The following NRXN1 variants were observed in gnomAD, a reference collection of about 807,000 sequenced individuals.
The protein encoded by NRXN1 is neurexin-1.
In NRXN1, 39 loss-of-function variants were observed where a neutral mutation model predicts 150.9. The ratio of observed to expected loss-of-function variants is 0.26; its 90% confidence interval spans 0.20 to 0.34. The LOEUF (loss-of-function observed/expected upper bound fraction) is 0.34, where lower values mean the gene tolerates loss of function less well. Among genes scored for constraint, NRXN1 ranks in the 10% least tolerant of loss-of-function variants. The pLI, the probability that NRXN1 is intolerant of heterozygous loss-of-function variation, is 1.00. For missense variants in NRXN1, 1,815 were observed against 1,949.9 expected (o/e 0.93, Z 1.30); for synonymous variants, 924 against 757.0 (o/e 1.22, Z -3.62).
intron 5 of NRXN1, among the ~76,000 whole-genome samples, chr2:50,775,809 C>G (rs957735417): frequency 6.6e-6 from 1 of 152,044 alleles, no homozygotes; most frequent in Non-Finnish European, 1.5e-5. Context: ...CTCTTATAAT[C>G]TCTTGTTTAA....
At chr2:50,101,041 A>G (rs1372514320) in intron 18 of NRXN1, among the ~76,000 whole-genome samples, 1 of 152,104 alleles carries the variant, frequency 6.6e-6, no homozygotes, top group Non-Finnish European at 1.5e-5. Flanking sequence ...CACTGAATTA[A>G]GTTAAGCCTT....
intron 17 of NRXN1, among the ~76,000 whole-genome samples, chr2:50,315,534 T>A (rs552022096): frequency 1.8e-4 from 28 of 152,230 alleles, no homozygotes; most frequent in African/African-American, 6.5e-4. Context: ...CATTGCTGGT[T>A]AACAGAAGGC....
At chr2:50,940,071 C>T (rs1449043120) in intron 2 of NRXN1, among the ~76,000 whole-genome samples, 2 of 152,048 alleles carry the variant, frequency 1.3e-5, no homozygotes, top group Non-Finnish European at 2.9e-5. Flanking sequence ...GAATTATTTC[C>T]TATTTATTAT....
chr2:50,050,605 G>A (rs1169123977), intron 21 of NRXN1, among the ~76,000 whole-genome samples: 1 of 151,954 alleles, frequency 6.6e-6, no homozygotes, highest in African/African-American at 2.4e-5. Context: ...CATCCAACCT[G>A]TAAAAATAGG....
intron 18 of NRXN1, among the ~76,000 whole-genome samples, chr2:50,109,064 G>C (rs1184279999): frequency 6.6e-6 from 1 of 152,108 alleles, no homozygotes; most frequent in Non-Finnish European, 1.5e-5. Flanking sequence ...ATTAAAATGT[G>C]AGTTTAATGA....
chr2:50,884,795 G>A (rs185182369), intron 5 of NRXN1, among the ~76,000 whole-genome samples: 4 of 151,206 alleles, frequency 2.6e-5, no homozygotes, highest in African/African-American at 9.7e-5. Context: ...GTTTAATGGA[G>A]TTTACCAGCT....
At chr2:50,798,232 C>T (rs546946718) in intron 5 of NRXN1, among the ~76,000 whole-genome samples, 16 of 152,074 alleles carry the variant, frequency 1.1e-4, no homozygotes, top group South Asian at 6.2e-4. Flanking sequence ...GTTATGATCT[C>T]GAAAATGCAG....
intron 12 of NRXN1, among the ~76,000 whole-genome samples, chr2:50,524,843 T>G (rs2092902541): frequency 6.6e-6 from 1 of 152,032 alleles, no homozygotes; most frequent in African/African-American, 2.4e-5. Flanking sequence ...AATCATGCAG[T>G]ACATCACAAA....
In NRXN1 at chr2:50,008,532, C is replaced by T. The variant is rs150828756; in HGVS notation, c.4128+44739G>A. 5.9e-3 allele frequency among the ~76,000 whole-genome samples: 867 copies of T among 146,354 alleles called. 5 individuals are homozygous for T. Among genetic ancestry groups the T allele is most frequent in the Non-Finnish European group, 9.2e-3 (620 of 67,098 alleles). ...CCCAGGCTGGAGAGTGGCATGATCTCGGCTCACTGTGAGCTCCGAGGATGG... is the reference window on the plus strand; with the variant it reads ...CCCAGGCTGGAGAGTGGCATGATCTTGGCTCACTGTGAGCTCCGAGGATGG... On this transcript the variant is annotated intron_variant, in intron 21 of 22. Coordinates refer to ENST00000401669, the MANE Select transcript of NRXN1 (RefSeq NM_001330078.2).
Position 50,534,939 on chromosome 2 carries a change from G to C in NRXN1, c.2143+3314C>G, listed in dbSNP as rs182905478. Among the ~76,000 whole-genome samples the C allele has an allele frequency of 8.5e-5, 13 of 152,240 alleles. No homozygotes were observed. In the East Asian group the frequency reaches 2.5e-3, roughly 29 times the overall value. On this transcript the variant is annotated intron_variant, in intron 10 of 22. Coordinates refer to ENST00000401669, the MANE Select transcript of NRXN1 (RefSeq NM_001330078.2). Reference sequence around the variant, plus strand: ...GAGAAAAAAATAATCAGAATCATTAGCCTTTAACATTCTCCAGAAAGCTGC... The same window carrying C: ...GAGAAAAAAATAATCAGAATCATTACCCTTTAACATTCTCCAGAAAGCTGC...
intron 5 of NRXN1, among the ~76,000 whole-genome samples, chr2:50,848,113 T>G (rs1673956472): frequency 6.6e-6 from 1 of 152,116 alleles, no homozygotes; most frequent in Non-Finnish European, 1.5e-5. Context: ...CACTGGGGTT[T>G]CAGGAGCTGT....
intron 17 of NRXN1, among the ~76,000 whole-genome samples, chr2:50,246,787 G>T (rs114417890): frequency 6.6e-6 from 1 of 151,770 alleles, no homozygotes; most frequent in Non-Finnish European, 1.5e-5. Context: ...GTTAATTCTC[G>T]CCTTTCAACA....
At chr2:49,931,712 C>CA (rs1670150118) in intron 22 of NRXN1, among the ~76,000 whole-genome samples, 1 of 151,968 alleles carries the variant, frequency 6.6e-6, no homozygotes, top group African/African-American at 2.4e-5. Flanking sequence ...TGTTTTTCCT[C>CA]AAAATGTATT....
chr2:50,396,993 T>A (rs923526135), intron 17 of NRXN1, among the ~76,000 whole-genome samples: 1 of 152,002 alleles, frequency 6.6e-6, no homozygotes, highest in African/African-American at 2.4e-5. Context: ...AAATCTACTA[T>A]CCTAGATTCT....
chr2:50,353,910 C>T (rs1468994850), intron 17 of NRXN1, among the ~76,000 whole-genome samples: 1 of 152,098 alleles, frequency 6.6e-6, no homozygotes, highest in African/African-American at 2.4e-5. Context: ...CTTTTGATTT[C>T]CTTAATCTTT....
chr2:50,114,527 G>A (rs1702777212), intron 18 of NRXN1, among the ~76,000 whole-genome samples: 1 of 152,134 alleles, frequency 6.6e-6, no homozygotes, highest in Non-Finnish European at 1.5e-5. Context: ...GAAGAGCTGA[G>A]AATTTATGTC....
chr2:50,336,720 A>G (rs1000685624), intron 17 of NRXN1, among the ~76,000 whole-genome samples: 1 of 152,212 alleles, frequency 6.6e-6, no homozygotes. Flanking sequence ...ATTAATAAAC[A>G]TCTTAAATCA....
chr2:50,630,545 C>T (rs1174520878), intron 5 of NRXN1, among the ~76,000 whole-genome samples: 1 of 151,652 alleles, frequency 6.6e-6, no homozygotes, highest in African/African-American at 2.4e-5. Flanking sequence ...ATCTTAAAGA[C>T]AAGGATGCCT....
intron 5 of NRXN1, among the ~76,000 whole-genome samples, chr2:50,684,807 C>G (rs771298043): frequency 2.0e-5 from 3 of 152,148 alleles, no homozygotes; most frequent in African/African-American, 7.2e-5. Flanking sequence ...GTTTCCTATA[C>G]TTTATTTTAG....
Sources: gnomAD v4.1 joint callset for allele counts (sites outside exome capture counted in the v4.1 genomes callset) on GRCh38, gnomAD v4.1.1 for gene constraint, MANE v1.5 for transcripts, NCBI Gene and HGNC (gene_info 2026-07-23, HGNC 2026-07-21) for gene names.